Variants in KIAA1328 observed in about 807,000 individuals in gnomAD.
The protein encoded by KIAA1328 is KIAA1328.
A neutral mutation model predicts 68.1 loss-of-function variants in KIAA1328; 52 were observed. The observed-to-expected ratio is 0.76, with a 90% CI of 0.61 to 0.96. KIAA1328 has a LOEUF of 0.96. Ranked by LOEUF, KIAA1328 falls within the 40% of genes least tolerant of loss-of-function variation. KIAA1328 has a pLI of 0.00. For missense variants in KIAA1328, 641 were observed against 677.6 expected, an observed-to-expected ratio of 0.95 and a Z score of 0.60; for synonymous variants, 232 against 239.4, an observed-to-expected ratio of 0.97 and a Z score of 0.28.
chr18:37,064,283 C>T (rs2056263034), intron 6 of KIAA1328, among the ~76,000 whole-genome samples: 1 of 152,096 alleles, frequency 6.6e-6, no homozygotes, highest in South Asian at 2.1e-4. Flanking sequence ...AAATCTTAAT[C>T]ACTGTAATAC....
intron 7 of KIAA1328, among the ~76,000 whole-genome samples, chr18:37,127,208 C>A (rs1599364679): frequency 1.3e-5 from 2 of 152,274 alleles, no homozygotes; most frequent in Non-Finnish European, 2.9e-5. Context: ...GTGAGTTTAA[C>A]CAGGTTCAGC....
intron 9 of KIAA1328, among the ~76,000 whole-genome samples, chr18:37,198,191 G>C (rs1017053748): frequency 6.6e-6 from 1 of 152,176 alleles, no homozygotes; most frequent in African/African-American, 2.4e-5. Flanking sequence ...TTGAGAGTAA[G>C]GAGTGACTGT....
intron 6 of KIAA1328, among the ~76,000 whole-genome samples, chr18:37,053,515 A>G (rs565542357): frequency 6.6e-6 from 1 of 152,346 alleles, no homozygotes; most frequent in Non-Finnish European, 1.5e-5. Flanking sequence ...GAGCTTCTGC[A>G]CAGCAAAAGA....
chr18:37,081,272 G>A (rs769210940), intron 7 of KIAA1328, among the ~76,000 whole-genome samples: 12 of 152,024 alleles, frequency 7.9e-5, no homozygotes, highest in South Asian at 2.1e-4. Context: ...ATGAGCCACC[G>A]TGCCCCGCCA....
intron 6 of KIAA1328, among the ~76,000 whole-genome samples, chr18:37,006,245 T>C (rs2053777538): frequency 6.6e-6 from 1 of 152,130 alleles, no homozygotes; most frequent in African/African-American, 2.4e-5. Flanking sequence ...TGAAGATGTA[T>C]AATGTGTAAA....
At chr18:36,973,830 TACACAC>T (rs111392122) in intron 6 of KIAA1328, among the ~76,000 whole-genome samples, 2 of 147,278 alleles carry the variant, frequency 1.4e-5, no homozygotes, top group Non-Finnish European at 3.0e-5. Context: ...CACACACACA[TACACAC>T]ACACACACAC....
intron 6 of KIAA1328, among the ~76,000 whole-genome samples, chr18:37,041,622 T>G (rs2055249485): frequency 7.1e-6 from 1 of 141,104 alleles, no homozygotes; most frequent in African/African-American, 2.6e-5. Context: ...TACTCCTTCC[T>G]TACTGCCTTT....
chr18:37,169,145 T>C (rs952176311), intron 8 of KIAA1328, among the ~76,000 whole-genome samples: 7 of 150,108 alleles, frequency 4.7e-5, no homozygotes, highest in South Asian at 4.2e-4. Flanking sequence ...ATTTTATTTA[T>C]TTATTTATTT....
chr18:37,011,935 T>C (rs1181678272), intron 6 of KIAA1328, among the ~76,000 whole-genome samples: 1 of 152,022 alleles, frequency 6.6e-6, no homozygotes, highest in East Asian at 1.9e-4. Flanking sequence ...TATTACTGTG[T>C]ATAAATTGTA....
chr18:37,094,283 G>A (rs2057343973), intron 7 of KIAA1328, among the ~76,000 whole-genome samples: 1 of 152,118 alleles, frequency 6.6e-6, no homozygotes, highest in African/African-American at 2.4e-5. Flanking sequence ...ATTGGTACCG[G>A]TCTGCAGCCT....
chr18:37,123,773 G>A (rs896349595), intron 7 of KIAA1328, among the ~76,000 whole-genome samples: 4 of 152,134 alleles, frequency 2.6e-5, no homozygotes, highest in East Asian at 1.9e-4. Flanking sequence ...TGGAACAACC[G>A]TTTGTACAAG....
intron 8 of KIAA1328, among the ~76,000 whole-genome samples, chr18:37,170,630 C>T (rs186109340): frequency 1.5e-4 from 23 of 152,248 alleles, no homozygotes; most frequent in African/African-American, 5.5e-4. Context: ...AATCCTATAG[C>T]CAAATGTGAA....
intron 5 of KIAA1328, among the ~76,000 whole-genome samples, chr18:36,953,832 G>A (rs981281853): frequency 5.9e-5 from 9 of 151,938 alleles, no homozygotes; most frequent in African/African-American, 1.9e-4. Flanking sequence ...CCTGAACAAG[G>A]ATTCAGTTGT....
Position 36,875,291 on chromosome 18 carries a change from A to G in KIAA1328, c.333-10266A>G, listed in dbSNP as rs1189060853. Among the ~76,000 whole-genome samples, 6 of 151,176 alleles carry G rather than the reference A, an allele frequency of 4.0e-5. No individual in the cohort carries two copies. The East Asian group carries it at 9.7e-4, about 24-fold the overall frequency. On this transcript the variant is annotated intron_variant, in intron 4 of 9. Coordinates refer to ENST00000280020, the MANE Select transcript of KIAA1328 (RefSeq NM_020776.3). ...TGGCCATTTTCACAATATTGATTCT[A>G]TCTTTGAGCATGGAATGTTTTTCCA... is the stretch of plus-strand genomic sequence containing the variant.
intron 7 of KIAA1328, among the ~76,000 whole-genome samples, chr18:37,150,907 T>C (rs988611977): frequency 4.1e-4 from 63 of 152,098 alleles, no homozygotes; most frequent in Non-Finnish European, 6.6e-4. Context: ...AGGAACAGGG[T>C]AAAGATGTCC....
At chr18:37,159,524 A>G (rs2059230636) in intron 7 of KIAA1328, among the ~76,000 whole-genome samples, 1 of 152,240 alleles carries the variant, frequency 6.6e-6, no homozygotes, top group Non-Finnish European at 1.5e-5. Context: ...GTGAGAGATA[A>G]CACATCATTA....
At chr18:37,201,298 C>G (rs796101020) in intron 9 of KIAA1328, among the ~76,000 whole-genome samples, 12 of 152,214 alleles carry the variant, frequency 7.9e-5, no homozygotes, top group African/African-American at 2.9e-4. Context: ...GAAAAATAAT[C>G]TATTCTACTA....
intron 9 of KIAA1328, among the ~76,000 whole-genome samples, chr18:37,214,851 TG>T (rs1463667490): frequency 3.3e-5 from 5 of 152,236 alleles, no homozygotes; most frequent in African/African-American, 1.2e-4. Flanking sequence ...TAGTTCTCCT[TG>T]AAGAGGTCCT....
intron 6 of KIAA1328, among the ~76,000 whole-genome samples, chr18:37,005,597 C>G (rs948862729): frequency 5.3e-5 from 8 of 152,106 alleles, no homozygotes; most frequent in African/African-American, 1.9e-4. Flanking sequence ...AATGCCACCA[C>G]TGGGTCTGTA....
Sources: allele counts gnomAD v4.1 joint callset (sites outside exome capture counted in the v4.1 genomes callset), GRCh38; gene constraint gnomAD v4.1.1; transcripts MANE v1.5; gene names NCBI Gene and HGNC (gene_info 2026-07-23, HGNC 2026-07-21).